CYP1A1: variants seen among roughly 807,000 people sequenced by gnomAD.
CYP1A1 encodes cytochrome P450 family 1 subfamily A member 1, also known as cytochrome P450 1A1.
In CYP1A1, 43 loss-of-function variants were observed where a neutral mutation model predicts 33.6. The observed-to-expected ratio is 1.28, with a 90% confidence interval of 1.00 to 1.65. The LOEUF is 1.65. Ranked by LOEUF, CYP1A1 falls within the 40% of genes most tolerant of loss-of-function variation. The probability of loss-of-function intolerance (pLI) is 0.00; values close to 1 mark genes in which losing one functional copy is unlikely to be tolerated. For missense variants in CYP1A1, 637 were observed against 653.7 expected (o/e 0.97, Z 0.28); for synonymous variants, 280 against 257.8 (o/e 1.09, Z -0.83).
chr15:74,725,348 T>C (rs1300487251), intron 1 of CYP1A1, 93 bp downstream of exon 1: 1 of 152,240 alleles, frequency 6.6e-6, no homozygotes, highest in Non-Finnish European at 1.5e-5. Context: ...TTGGAGGTGC[T>C]AGACAGGTAG....
chr15:74,722,237 C>A, intron 2 of CYP1A1, 36 bp downstream of exon 2: 1 of 1,566,518 alleles, frequency 6.4e-7, no homozygotes, highest in South Asian at 1.1e-5. Flanking sequence ...ATGCCATCTG[C>A]TTCCCACCAC....
At position 74,719,603 on chromosome 15, in the gene CYP1A1, C is replaced by G. The variant is rs1005124492; in HGVS notation, c.*886G>C. 1.3e-5 allele frequency: 2 copies of G among 151,592 alleles called. No individual in the cohort carries two copies. The highest frequency in any genetic ancestry group is 4.9e-5 in the African/African-American group (2 of 40,922). The allele number at this position is 151,592 out of a possible 1,614,324, so 9.4% of individuals were successfully genotyped here. A position where few individuals can be genotyped will look rare whatever the true frequency, so the allele number is the denominator to read the frequency against. ...AGTTGTTCTTACACATTTTTGGATA[C>G]CTGGGTTAGAATTTTCCCTATTACA... On this transcript the variant is annotated 3_prime_UTR_variant, in exon 7 of 7. Coordinates refer to ENST00000379727, the MANE Select transcript of CYP1A1 (RefSeq NM_001319217.2).
rs776990450 is a variant in CYP1A1, at chr15:74,720,242, G to T, written c.*247C>A. ...AGGCCTCCTGGCTCAAGCACAACTT[G>T]GGAAGGCTCCATCAGCATCTATGTG... On this transcript the variant is annotated 3_prime_UTR_variant, in exon 7 of 7. Coordinates refer to ENST00000379727, the MANE Select transcript of CYP1A1 (RefSeq NM_001319217.2). 5.1e-6 allele frequency: 2 copies of T among 395,596 alleles called. No homozygotes were observed. Among genetic ancestry groups the T allele is most frequent in the African/African-American group, 2.1e-5 (1 of 48,504 alleles). The allele number at this position is 395,596 out of a possible 1,614,324, so 24.5% of individuals were successfully genotyped here. A position where few individuals can be genotyped will look rare whatever the true frequency, so the allele number is the denominator to read the frequency against.
In CYP1A1 at chr15:74,721,240, G is replaced by A. The variant is rs773994633; in HGVS notation, c.1125C>T (p.Thr375=). The change falls in exon 5 of 7, where the codon ACC becomes ACT. Residue 375 remains threonine, a synonymous_variant. Transcript: ENST00000379727. ...AGGGGACGAAGGAAGAGTGTCGGAAGGTCTCCAGGATGAAGGCCTCCATAT... is the reference window on the plus strand; with the variant it reads ...AGGGGACGAAGGAAGAGTGTCGGAAAGTCTCCAGGATGAAGGCCTCCATAT... ...LPYMEAFILE[T]FRHSSFVPFT... 5 of 1,613,856 alleles carry A rather than the reference G, an allele frequency of 3.1e-6. No individual in the cohort carries two copies. In the East Asian group the frequency reaches 1.1e-4, roughly 36 times the overall value.
Position 74,720,606 on chromosome 15 carries a change from C to A in CYP1A1, c.1422G>T (p.Leu474=). ...RWEVFLFLAI[L]LQRVEFSVPL... is the part of the protein sequence containing the mutation. The stretch of plus-strand genomic sequence containing the variant: ...GCACGCTGAATTCCACCCGTTGCAG[C>A]AGGATAGCCAGGAAGAGAAAGACCT... The change falls in exon 7 of 7, where the codon CTG becomes CTT. Residue 474 remains leucine (L), a synonymous_variant. Coordinates refer to ENST00000379727, the MANE Select transcript of CYP1A1 (RefSeq NM_001319217.2). 2 of 1,614,118 alleles carry A rather than the reference C, an allele frequency of 1.2e-6. No homozygotes were observed. The highest frequency in any genetic ancestry group is 1.7e-6 in the Non-Finnish European group (2 of 1,180,010).
At chr15:74,722,081 TGGAA>T in intron 2 of CYP1A1, 188 bp downstream of exon 2, 1 of 610,300 alleles carries the variant, frequency 1.6e-6, no homozygotes, top group Non-Finnish European at 2.9e-6. Context: ...TGTGGAAGCA[TGGAA>T]GGGTTAGTCA....
At position 74,720,381 on chromosome 15, in the gene CYP1A1, G is replaced by T; in HGVS notation, c.*108C>A. The T allele has an allele frequency of 7.9e-7, 1 of 1,270,604 alleles. No homozygotes were observed. Among genetic ancestry groups the T allele is most frequent in the Non-Finnish European group, 1.1e-6 (1 of 929,936 alleles). 78.7% of individuals were successfully genotyped at this position (1,270,604 alleles called of 1,614,324 possible). On this transcript the variant is annotated 3_prime_UTR_variant, in exon 7 of 7. Transcript: ENST00000379727. ...AGATAGCAAAACTGCAGCCAGATCA[G>T]TGTCTATGAGTTTCAGGCTGAACCT...
chr15:74,723,766 C>G (rs2063192283), intron 1 of CYP1A1, among the ~76,000 whole-genome samples: 2 of 152,294 alleles, frequency 1.3e-5, no homozygotes, highest in South Asian at 4.1e-4. Flanking sequence ...GCTGACTTGT[C>G]CAAAGTCCCC....
In CYP1A1 at chr15:74,720,469, G is replaced by A. The variant is rs777246027; in HGVS notation, c.*20C>T. On this transcript the variant is annotated 3_prime_UTR_variant, in exon 7 of 7. Transcript: ENST00000379727. Reference sequence around the variant, plus strand: ...ACCAGACCAGGTAGACAGAGTCTAGGCCTCAGGGCTCTCAAGCACCTAAGA... The same window carrying A: ...ACCAGACCAGGTAGACAGAGTCTAGACCTCAGGGCTCTCAAGCACCTAAGA... The A allele has an allele frequency of 1.9e-6, 3 of 1,540,230 alleles. No homozygotes were observed. The highest frequency in any genetic ancestry group is 4.5e-5 in the East Asian group (2 of 44,210).
In CYP1A1 at chr15:74,722,967, C is replaced by T; in HGVS notation, c.131G>A (p.Trp44Ter). Residue 44 changes from tryptophan (W) to a stop codon, truncating the protein, a stop_gained, in exon 2 of 7, where the codon TGG (tryptophan) becomes TAG (stop). Transcript: ENST00000379727. LOFTEE classifies it high-confidence loss of function. ...CATGTGCCCAATCAGAGGCCAGCCC[C>T]ATGGCCCTGGTGGATTCTTCAGGCC... ...PKGLKNPPGP[W>*]GWPLIGHMLT... is the part of the protein sequence containing the mutation. 1.2e-6 allele frequency: 2 copies of T among 1,614,186 alleles called. No individual in the cohort carries two copies. Among genetic ancestry groups the T allele is most frequent in the Non-Finnish European group, 1.7e-6 (2 of 1,180,030 alleles).
rs1567196562 is a variant in CYP1A1, at chr15:74,722,365, TGGG to T, written c.730_732del (p.Pro244del). The T allele has an allele frequency of 6.2e-7, 1 of 1,614,090 alleles. No homozygotes were observed. The highest frequency in any genetic ancestry group is 1.1e-5 in the South Asian group (1 of 91,082). Reference sequence around the variant, plus strand: ...TCCTTGAAGGCATTCAGGGAAGGGTTGGGTAGGTAGCGAAGAATAGGGATGAAG... The same window carrying T: ...TCCTTGAAGGCATTCAGGGAAGGGTTTAGGTAGCGAAGAATAGGGATGAAG... On this transcript the variant is annotated inframe_deletion, in exon 2 of 7. Transcript: ENST00000379727.
In CYP1A1 at chr15:74,719,633, A is replaced by C. The variant is rs185383134; in HGVS notation, c.*856T>G. On this transcript the variant is annotated 3_prime_UTR_variant, in exon 7 of 7. Transcript: ENST00000379727. ...GTTAGAATTTTCCCTATTACATTAA[A>C]TCAATGGTTCTTAAGCTCTTATGCA... 1 of 152,322 alleles carries C rather than the reference A, an allele frequency of 6.6e-6. No individual in the cohort carries two copies. Among genetic ancestry groups the C allele is most frequent in the East Asian group, 1.9e-4 (1 of 5,184 alleles). The allele number at this position is 152,322 out of a possible 1,614,324, so 9.4% of individuals were successfully genotyped here. A position where few individuals can be genotyped will look rare whatever the true frequency, so the allele number is the denominator to read the frequency against.
chr15:74,722,066 C>T, intron 2 of CYP1A1: 1 of 603,478 alleles, frequency 1.7e-6, no homozygotes, highest in Non-Finnish European at 2.9e-6. Flanking sequence ...GTGGCTATTG[C>T]TGTCTGTGGA....
rs766602533 is a variant in CYP1A1, at chr15:74,720,573, G to A, written c.1455C>T (p.Gly485=). 41 of 1,613,214 alleles carry A rather than the reference G, an allele frequency of 2.5e-5. No individual in the cohort carries two copies. Among genetic ancestry groups the A allele is most frequent in the South Asian group, 5.5e-5 (5 of 90,936 alleles). The change falls in exon 7 of 7, where the codon GGC becomes GGT. Residue 485 remains glycine (G), a synonymous_variant. Transcript: ENST00000379727. ...LQRVEFSVPL[G]VKVDMTPIYG... ...AGATGGGGGTCATGTCCACCTTCAC[G>A]CCCAGTGGCACGCTGAATTCCACCC...
chr15:74,722,180 T>C, intron 2 of CYP1A1, 93 bp downstream of exon 2: 4 of 1,040,356 alleles, frequency 3.8e-6, no homozygotes, highest in Middle Eastern at 2.1e-4. Context: ...CCTGAGAACT[T>C]GCCAAGCCCC....
intron 2 of CYP1A1, 117 bp from the exon 3 acceptor site, chr15:74,721,834 G>C: frequency 7.4e-7 from 1 of 1,349,642 alleles, no homozygotes; most frequent in Non-Finnish European, 1.0e-6. Context: ...GCCCCCTGAG[G>C]CTGTTGTCCC....
chr15:74,722,100 A>G, intron 2 of CYP1A1, 173 bp downstream of exon 2: 1 of 625,442 alleles, frequency 1.6e-6, no homozygotes, highest in Non-Finnish European at 2.8e-6. Context: ...TAGTCAAGAT[A>G]AAGTTCTATT....
intron 1 of CYP1A1, among the ~76,000 whole-genome samples, chr15:74,723,986 G>A (rs2063194514): frequency 6.6e-6 from 1 of 152,174 alleles, no homozygotes. Flanking sequence ...GGGACAGGAT[G>A]GCCACTTCCC....
rs56343424 is a variant in CYP1A1, at chr15:74,720,496, C to A, written c.1532G>T (p.Arg511Leu). The change falls in exon 7 of 7, where the codon CGC (arginine) becomes CTC (leucine). Residue 511 changes from arginine to leucine, a missense_variant. Transcript: ENST00000379727. ...ACCEHFQMQL[R>L]S ...CTCAGGGCTCTCAAGCACCTAAGAG[C>A]GCAGCTGCATTTGGAAGTGCTCACA... is the stretch of plus-strand genomic sequence containing the variant. The A allele has an allele frequency of 1.3e-3, 1,999 of 1,566,008 alleles. 54 individuals are homozygous for A. In the South Asian group the frequency reaches 0.022, roughly 17 times the overall value.
Sources: gnomAD v4.1 joint callset for allele counts (sites outside exome capture counted in the v4.1 genomes callset) on GRCh38, gnomAD v4.1.1 for gene constraint, MANE v1.5 for transcripts, NCBI Gene and HGNC (gene_info 2026-07-23, HGNC 2026-07-21) for gene names.